Variants in ROBO1 observed in about 807,000 individuals in gnomAD.
ROBO1 encodes roundabout guidance receptor 1, also known as roundabout homolog 1.
In ROBO1, 149 loss-of-function variants were observed where a neutral mutation model predicts 195.9. That is an observed-to-expected ratio of 0.76 (90% CI 0.67 to 0.87). ROBO1 has a LOEUF of 0.87. Ranked by LOEUF, ROBO1 falls within the 40% of genes least tolerant of loss-of-function variation. The probability of loss-of-function intolerance (pLI) is 0.00; values close to 1 mark genes in which losing one functional copy is unlikely to be tolerated. For synonymous variants in ROBO1, 816 were observed against 733.2 expected (o/e 1.11, Z -1.82); for missense variants, 1,933 against 2,068.3 (o/e 0.93, Z 1.27).
chr3:79,507,248 A>T (rs1940449209), intron 2 of ROBO1, among the ~76,000 whole-genome samples: 1 of 152,186 alleles, frequency 6.6e-6, no homozygotes, highest in Non-Finnish European at 1.5e-5. Flanking sequence ...CTTTGATAAA[A>T]ATGTAGACCA....
intron 2 of ROBO1, among the ~76,000 whole-genome samples, chr3:79,395,183 C>T (rs1368944393): frequency 6.6e-6 from 1 of 151,482 alleles, no homozygotes; most frequent in Admixed American, 6.6e-5. Flanking sequence ...ATTCTCCGGG[C>T]GTGGTGGCGG....
At chr3:78,778,541 T>C (rs1435234300) in intron 4 of ROBO1, among the ~76,000 whole-genome samples, 5 of 152,082 alleles carry the variant, frequency 3.3e-5, no homozygotes, top group South Asian at 2.1e-4. Context: ...GAGAATAAGA[T>C]ACCTAAGAAT....
intron 2 of ROBO1, among the ~76,000 whole-genome samples, chr3:79,367,686 A>T (rs2036029799): frequency 6.6e-6 from 1 of 152,224 alleles, no homozygotes; most frequent in Non-Finnish European, 1.5e-5. Flanking sequence ...GTTTCAGCAC[A>T]TAGAAAGTAC....
chr3:79,392,806 TA>T (rs1256572394), intron 2 of ROBO1, among the ~76,000 whole-genome samples: 1 of 152,150 alleles, frequency 6.6e-6, no homozygotes, highest in Non-Finnish European at 1.5e-5. Context: ...GCAGATTATT[TA>T]AAAAGCTATA....
chr3:79,285,497 T>A (rs1040230928), intron 2 of ROBO1, among the ~76,000 whole-genome samples: 12 of 152,306 alleles, frequency 7.9e-5, no homozygotes, highest in South Asian at 2.1e-4. Flanking sequence ...ATGCAAAGAA[T>A]GTTAGCCGGC....
chr3:79,028,649 T>G (rs780736621), intron 3 of ROBO1, among the ~76,000 whole-genome samples: 3 of 152,018 alleles, frequency 2.0e-5, no homozygotes, highest in Non-Finnish European at 4.4e-5. Context: ...CTCAATTGTT[T>G]GAAGTTGCTT....
intron 1 of ROBO1, among the ~76,000 whole-genome samples, chr3:79,761,191 G>A (rs754088732): frequency 1.4e-5 from 2 of 147,900 alleles, no homozygotes; most frequent in Non-Finnish European, 3.0e-5. Flanking sequence ...AGTATTTATA[G>A]AACACTATAT....
Position 78,995,732 on chromosome 3 carries a change from C to T in ROBO1, c.173-56805G>A, listed in dbSNP as rs2077348984. ...AGTGAACTATGATGGTGCCACTATA[C>T]TCTAGCCAGGGCAACAGAGCGAGAC... On this transcript the variant is annotated intron_variant, in intron 3 of 30. Transcript: ENST00000464233. 2.0e-5 allele frequency among the ~76,000 whole-genome samples: 3 copies of T among 150,014 alleles called. No individual in the cohort carries two copies. In the South Asian group the frequency reaches 6.3e-4, roughly 32 times the overall value.
intron 2 of ROBO1, chr3:79,527,925 T>G (rs1397876220): frequency 6.6e-6 from 1 of 152,334 alleles, no homozygotes; most frequent in African/African-American, 2.4e-5. Flanking sequence ...CACTTCCGTA[T>G]GAAAAAAATA....
At chr3:78,671,827 A>G (rs569517373) in intron 10 of ROBO1, among the ~76,000 whole-genome samples, 143 of 152,298 alleles carry the variant, frequency 9.4e-4, no homozygotes, top group African/African-American at 3.3e-3. Flanking sequence ...TAGTCTTATC[A>G]TATTTAGAAA....
At chr3:79,220,366 C>T (rs1014269582) in intron 2 of ROBO1, among the ~76,000 whole-genome samples, 1 of 151,958 alleles carries the variant, frequency 6.6e-6, no homozygotes, top group Non-Finnish European at 1.5e-5. Flanking sequence ...TGTCTGTTTG[C>T]CAGTTTGAGA....
intron 23 of ROBO1, chr3:78,634,566 C>A: frequency 3.4e-6 from 1 of 296,828 alleles, no homozygotes; most frequent in Non-Finnish European, 7.2e-6. Flanking sequence ...AACAATAAAT[C>A]AGAGTTCTGA....
chr3:79,302,586 C>A (rs978961117), intron 2 of ROBO1, among the ~76,000 whole-genome samples: 1 of 152,268 alleles, frequency 6.6e-6, no homozygotes, highest in Non-Finnish European at 1.5e-5. Flanking sequence ...CCTTCAAATT[C>A]ATTTTGACTT....
intron 8 of ROBO1, among the ~76,000 whole-genome samples, chr3:78,707,700 T>G (rs2081586718): frequency 1.3e-5 from 2 of 152,144 alleles, no homozygotes; most frequent in Admixed American, 6.6e-5. Context: ...TTGGCAATGT[T>G]TAGCACCTGC....
intron 8 of ROBO1, among the ~76,000 whole-genome samples, chr3:78,696,125 G>GAAA (rs34340807): frequency 1.8e-5 from 2 of 108,708 alleles, no homozygotes; most frequent in African/African-American, 3.2e-5. Flanking sequence ...GAAAGAATCA[G>GAAA]AAAAAAAAAA....
chr3:79,300,343 A>G (rs894776219), intron 2 of ROBO1, among the ~76,000 whole-genome samples: 1 of 152,156 alleles, frequency 6.6e-6, no homozygotes, highest in African/African-American at 2.4e-5. Flanking sequence ...GCCCCAGGCA[A>G]TGAGGGGCTT....
intron 1 of ROBO1, among the ~76,000 whole-genome samples, chr3:79,748,056 A>G (rs1703950619): frequency 6.6e-6 from 1 of 152,058 alleles, no homozygotes; most frequent in African/African-American, 2.4e-5. Context: ...AAAAAATACT[A>G]CTGCAGATTT....
At chr3:79,565,100 C>T (rs983499942) in intron 2 of ROBO1, among the ~76,000 whole-genome samples, 1 of 152,024 alleles carries the variant, frequency 6.6e-6, no homozygotes, top group African/African-American at 2.4e-5. Context: ...GAAAAATCCA[C>T]CTTTTGAATT....
chr3:78,933,154 C>A (rs1173830065), intron 4 of ROBO1, among the ~76,000 whole-genome samples: 2 of 152,070 alleles, frequency 1.3e-5, no homozygotes, highest in African/African-American at 4.8e-5. Context: ...ATATTACATT[C>A]TCTGACACAG....
Sources: allele counts gnomAD v4.1 joint callset (sites outside exome capture counted in the v4.1 genomes callset), GRCh38; gene constraint gnomAD v4.1.1; transcripts MANE v1.5; gene names NCBI Gene and HGNC (gene_info 2026-07-23, HGNC 2026-07-21).